Variants in SNX29 observed in about 807,000 individuals in gnomAD.
SNX29 encodes the protein sorting nexin-29.
SNX29 carries 78 observed loss-of-function variants against 102.1 expected under a neutral mutation model. The ratio of observed to expected loss-of-function variants is 0.76; its 90% CI spans 0.64 to 0.92. The LOEUF is 0.92. Ranked by LOEUF, SNX29 falls within the 40% of genes least tolerant of loss-of-function variation. The probability of loss-of-function intolerance (pLI) is 0.00; values close to 1 mark genes in which losing one functional copy is unlikely to be tolerated. For missense variants in SNX29, 1,280 were observed against 1,061.7 expected (o/e 1.21, Z -2.86); for synonymous variants, 580 against 414.5 (o/e 1.40, Z -4.85).
At chr16:12,439,142 C>T (rs540541771) in intron 18 of SNX29, among the ~76,000 whole-genome samples, 1 of 152,322 alleles carries the variant, frequency 6.6e-6, no homozygotes, top group East Asian at 1.9e-4. Flanking sequence ...CTGCTCTTGT[C>T]CTGGTTGCAG....
At chr16:12,137,771 ATGG>A (rs1277453840) in intron 13 of SNX29, among the ~76,000 whole-genome samples, 1 of 152,228 alleles carries the variant, frequency 6.6e-6, no homozygotes, top group African/African-American at 2.4e-5. Flanking sequence ...CAAGAGTCAA[ATGG>A]TGGGAATTGA....
At chr16:12,417,026 C>T (rs1338555970) in intron 18 of SNX29, among the ~76,000 whole-genome samples, 7 of 152,366 alleles carry the variant, frequency 4.6e-5, no homozygotes, top group East Asian at 3.9e-4. Flanking sequence ...CCAGGCACTG[C>T]GCCTAGTGAG....
chr16:12,378,467 T>C (rs926450013), intron 16 of SNX29, among the ~76,000 whole-genome samples: 2 of 152,164 alleles, frequency 1.3e-5, no homozygotes, highest in African/African-American at 4.8e-5. Context: ...CTAGCCAATA[T>C]GGTGAACCTT....
intron 18 of SNX29, among the ~76,000 whole-genome samples, chr16:12,470,080 G>C (rs1224080996): frequency 6.6e-6 from 1 of 152,222 alleles, no homozygotes; most frequent in African/African-American, 2.4e-5. Context: ...AACATGTCTG[G>C]CACCTGACAG....
At chr16:12,201,552 C>G (rs1419571115) in intron 14 of SNX29, among the ~76,000 whole-genome samples, 1 of 152,164 alleles carries the variant, frequency 6.6e-6, no homozygotes, top group African/African-American at 2.4e-5. Flanking sequence ...TTCTCCAAAC[C>G]TCTGGTTCTT....
chr16:12,161,305 G>A (rs962719975), intron 13 of SNX29, among the ~76,000 whole-genome samples: 7 of 152,098 alleles, frequency 4.6e-5, no homozygotes, highest in South Asian at 2.1e-4. Flanking sequence ...GCCCCGAGGC[G>A]CAGCTTGGTG....
chr16:12,280,536 T>C (rs2079398832), intron 15 of SNX29, among the ~76,000 whole-genome samples: 1 of 152,120 alleles, frequency 6.6e-6, no homozygotes, highest in South Asian at 2.1e-4. Flanking sequence ...TGTTTGTTTT[T>C]TTTATCCCGG....
At chr16:12,481,260 G>A (rs2087892589) in intron 19 of SNX29, among the ~76,000 whole-genome samples, 1 of 151,998 alleles carries the variant, frequency 6.6e-6, no homozygotes, top group Non-Finnish European at 1.5e-5. Flanking sequence ...CACTGGTGGG[G>A]GTGGATCTGA....
intron 16 of SNX29, among the ~76,000 whole-genome samples, chr16:12,368,450 C>G (rs895435845): frequency 6.6e-6 from 1 of 152,244 alleles, no homozygotes; most frequent in Admixed American, 6.5e-5. Flanking sequence ...CTTACATCGC[C>G]TGTCGGTCAC....
At chr16:12,343,536 C>T (rs1215198540) in intron 15 of SNX29, among the ~76,000 whole-genome samples, 1 of 152,154 alleles carries the variant, frequency 6.6e-6, no homozygotes, top group Non-Finnish European at 1.5e-5. Context: ...GTTCTCATGC[C>T]TCCTGCCAGC....
chr16:12,244,645 T>G (rs1432645186), intron 14 of SNX29, among the ~76,000 whole-genome samples: 1 of 151,840 alleles, frequency 6.6e-6, no homozygotes, highest in African/African-American at 2.4e-5. Flanking sequence ...CTATGCAGAA[T>G]GGAGGGTTTC....
At chr16:12,345,069 C>T (rs1408104366) in intron 15 of SNX29, among the ~76,000 whole-genome samples, 3 of 152,202 alleles carry the variant, frequency 2.0e-5, no homozygotes, top group Non-Finnish European at 4.4e-5. Context: ...TCCCATAATC[C>T]ATGCAGCAGA....
chr16:12,555,106 C>T (rs59725040), intron 20 of SNX29, among the ~76,000 whole-genome samples: 1 of 151,720 alleles, frequency 6.6e-6, no homozygotes, highest in Non-Finnish European at 1.5e-5. Flanking sequence ...CAATCAGGGA[C>T]AATCTCAGAG....
At chr16:12,459,763 G>C (rs1195014499) in intron 18 of SNX29, among the ~76,000 whole-genome samples, 2 of 152,140 alleles carry the variant, frequency 1.3e-5, no homozygotes, top group South Asian at 2.1e-4. Context: ...CTGGTCACTG[G>C]TCCTGCCCCT....
intron 15 of SNX29, among the ~76,000 whole-genome samples, chr16:12,322,703 C>A (rs958880692): frequency 1.3e-5 from 2 of 151,536 alleles, no homozygotes; most frequent in African/African-American, 4.9e-5. Flanking sequence ...TGGGGACCAC[C>A]GTCAGGACTT....
chr16:12,376,188 T>C (rs2082868334), intron 16 of SNX29, among the ~76,000 whole-genome samples: 1 of 152,154 alleles, frequency 6.6e-6, no homozygotes, highest in African/African-American at 2.4e-5. Context: ...GGGTCTGTTT[T>C]AGAAGGCTGC....
At chr16:12,331,459 A>G (rs1252993188) in intron 15 of SNX29, among the ~76,000 whole-genome samples, 2 of 152,188 alleles carry the variant, frequency 1.3e-5, no homozygotes, top group African/African-American at 2.4e-5. Flanking sequence ...GAGGTGTTGT[A>G]TCTGACACAC....
At chr16:12,553,664 C>T (rs2078136729) in intron 20 of SNX29, among the ~76,000 whole-genome samples, 4 of 146,410 alleles carry the variant, frequency 2.7e-5, no homozygotes, top group Admixed American at 2.2e-4. Flanking sequence ...GATCTTGGCT[C>T]ACTGCAACCT....
chr16:12,428,494 A>G (rs2085174993), intron 18 of SNX29, among the ~76,000 whole-genome samples: 1 of 152,242 alleles, frequency 6.6e-6, no homozygotes, highest in Non-Finnish European at 1.5e-5. Flanking sequence ...GAAGGAAAAC[A>G]AAGGACTCAC....
Sources: allele counts gnomAD v4.1 joint callset (sites outside exome capture counted in the v4.1 genomes callset), GRCh38; gene constraint gnomAD v4.1.1; transcripts MANE v1.5; gene names NCBI Gene and HGNC (gene_info 2026-07-23, HGNC 2026-07-21).